Variants in ZBTB44 observed in about 807,000 individuals in gnomAD.
ZBTB44 encodes zinc finger and BTB domain-containing protein 44.
Under a neutral mutation model 54.0 loss-of-function variants are expected in ZBTB44, and 15 were observed. That is an observed-to-expected ratio of 0.28 (90% CI 0.19 to 0.43). The LOEUF is 0.43. Among genes scored for constraint, ZBTB44 ranks in the 20% least tolerant of loss-of-function variants. ZBTB44 has a pLI of 1.00. For missense variants in ZBTB44, 487 were observed against 707.1 expected (o/e 0.69, Z 3.53); for synonymous variants, 230 against 250.1 (o/e 0.92, Z 0.76).
At chr11:130,287,191 C>G (rs139380740) in intron 1 of ZBTB44, among the ~76,000 whole-genome samples, 3 of 152,170 alleles carry the variant, frequency 2.0e-5, no homozygotes, top group African/African-American at 7.2e-5. Flanking sequence ...AAATCTAGTA[C>G]TCATTTTTGA....
chr11:130,298,481 A>G (rs1352432208), intron 1 of ZBTB44, among the ~76,000 whole-genome samples: 2 of 129,004 alleles, frequency 1.6e-5, no homozygotes, highest in Non-Finnish European at 3.2e-5. Flanking sequence ...TTTTTTTTTA[A>G]AGACTGAGTC....
Position 130,261,698 on chromosome 11 carries a change from T to C in ZBTB44, c.176A>G (p.Lys59Arg). The change falls in exon 2 of 8, where the codon AAA becomes AGA. Residue 59 changes from lysine (K) to arginine (R), a missense_variant. By Grantham distance (26) the Lys-to-Arg change is conservative. Around this residue, in one of 3 missense-constraint regions of ZBTB44, gnomAD observed 90 missense variants for 160.3 expected, o/e 0.56. Transcript: ENST00000357899. The surrounding 1 kb of genome is among the most constrained non-coding windows in gnomAD (Gnocchi z 4.8). ...CTCATCCTCGGCTTGGCCTACAAGT[T>C]TGGTGCGAAAGAAATCACTGCAAGC... ...LAACSDFFRTKLVGQAEDENK... is the reference protein window; with the variant it reads ...LAACSDFFRTRLVGQAEDENK... 1 of 1,614,064 alleles carries C rather than the reference T, an allele frequency of 6.2e-7. No individual in the cohort carries two copies. Among genetic ancestry groups the C allele is most frequent in the Non-Finnish European group, 8.5e-7 (1 of 1,179,902 alleles).
intron 1 of ZBTB44, among the ~76,000 whole-genome samples, chr11:130,278,481 T>C (rs1592015642): frequency 6.6e-6 from 1 of 152,204 alleles, no homozygotes; most frequent in Non-Finnish European, 1.5e-5. Context: ...TCTGCCACTA[T>C]TTGAGTGTTT....
intron 2 of ZBTB44, among the ~76,000 whole-genome samples, chr11:130,257,415 G>A (rs1042454812): frequency 3.3e-5 from 5 of 152,190 alleles, no homozygotes; most frequent in African/African-American, 1.2e-4. Flanking sequence ...GAGATTTGAA[G>A]CCAGTGGCAA....
intron 1 of ZBTB44, among the ~76,000 whole-genome samples, chr11:130,264,386 C>A (rs1217722879): frequency 6.6e-6 from 1 of 152,184 alleles, no homozygotes; most frequent in Non-Finnish European, 1.5e-5. Context: ...ACACCTAACT[C>A]TTCAACTGCA....
chr11:130,302,845 C>T (rs545088154), intron 1 of ZBTB44, among the ~76,000 whole-genome samples: 3 of 152,090 alleles, frequency 2.0e-5, no homozygotes, highest in East Asian at 3.9e-4. Flanking sequence ...TGTGGTGGTG[C>T]GCACCTGTAA....
chr11:130,289,560 T>C (rs1011804760), intron 1 of ZBTB44, among the ~76,000 whole-genome samples: 2 of 131,880 alleles, frequency 1.5e-5, no homozygotes, highest in African/African-American at 5.9e-5. Flanking sequence ...TAGAAGCTAA[T>C]GGGTAGCTTC....
At chr11:130,293,401 G>A (rs1234492359) in intron 1 of ZBTB44, among the ~76,000 whole-genome samples, 1 of 151,284 alleles carries the variant, frequency 6.6e-6, no homozygotes, top group Admixed American at 6.6e-5. Flanking sequence ...TTGAGCCTGG[G>A]AGGTTGAGAC....
intron 1 of ZBTB44, among the ~76,000 whole-genome samples, chr11:130,301,435 C>T (rs1941981146): frequency 6.6e-6 from 1 of 152,156 alleles, no homozygotes; most frequent in Non-Finnish European, 1.5e-5. Context: ...AAGCAGATCA[C>T]GTGAGCTTAA....
At chr11:130,288,786 A>T (rs1941127493) in intron 1 of ZBTB44, among the ~76,000 whole-genome samples, 1 of 151,824 alleles carries the variant, frequency 6.6e-6, no homozygotes, top group Non-Finnish European at 1.5e-5. Flanking sequence ...AATCCCAGCT[A>T]CTTGGGAGGC....
At chr11:130,249,422 T>C (rs1301354412) in intron 2 of ZBTB44, among the ~76,000 whole-genome samples, 1 of 152,220 alleles carries the variant, frequency 6.6e-6, no homozygotes, top group Non-Finnish European at 1.5e-5. Context: ...ACAACTATTT[T>C]GACCCCAATT....
chr11:130,267,250 T>TGA (rs1939318391), intron 1 of ZBTB44, among the ~76,000 whole-genome samples: 1 of 151,654 alleles, frequency 6.6e-6, no homozygotes, highest in African/African-American at 2.4e-5. Flanking sequence ...GGCGACAGAG[T>TGA]GAGACCCTGC....
intron 2 of ZBTB44, 76 bp from the exon 3 acceptor site, chr11:130,239,972 T>A: frequency 1.0e-6 from 1 of 987,480 alleles, no homozygotes; most frequent in Non-Finnish European, 1.6e-6. Context: ...AGCTATATTA[T>A]ATCTAAGCCT....
intron 1 of ZBTB44, among the ~76,000 whole-genome samples, chr11:130,276,091 T>C (rs1310233741): frequency 2.0e-5 from 3 of 151,388 alleles, no homozygotes; most frequent in Non-Finnish European, 4.4e-5. Context: ...CCAGGCATGG[T>C]GGCAGGTGCC....
At chr11:130,257,250 A>G (rs7102590) in intron 2 of ZBTB44, among the ~76,000 whole-genome samples, 6,106 of 151,692 alleles carry the variant, frequency 0.04, 308 homozygotes, top group African/African-American at 0.11. Flanking sequence ...AAAAAAAAAA[A>G]AAAAAAAAAG....
intron 5 of ZBTB44, among the ~76,000 whole-genome samples, chr11:130,234,962 A>G (rs2136266550): frequency 6.6e-6 from 1 of 152,326 alleles, no homozygotes; most frequent in Non-Finnish European, 1.5e-5. Context: ...GTGATGAAAT[A>G]GAAAATATTT....
rs1397419141 is a variant in ZBTB44 at position 130,231,009 on chromosome 11, T to C, written c.*755A>G. ...TTAAGCCCTTTAGATACCACAAAGT[T>C]ACCCTCCTGGCCTTAAGAAAGATAG... is the stretch of plus-strand genomic sequence containing the variant. On this transcript the variant is annotated 3_prime_UTR_variant, in exon 8 of 8. Transcript: ENST00000357899. 3 of 152,102 alleles carry C rather than the reference T, an allele frequency of 2.0e-5. No individual in the cohort carries two copies. The highest frequency in any genetic ancestry group is 7.2e-5 in the African/African-American group (3 of 41,450). 9.4% of individuals were successfully genotyped at this position (152,102 alleles called of 1,614,324 possible). A position where few individuals can be genotyped will look rare whatever the true frequency, so the allele number is the denominator to read the frequency against.
intron 2 of ZBTB44, among the ~76,000 whole-genome samples, chr11:130,251,158 T>C (rs1425096911): frequency 6.6e-6 from 1 of 152,020 alleles, no homozygotes; most frequent in East Asian, 1.9e-4. Flanking sequence ...TACACAAGTA[T>C]CAATAGCTGA....
At chr11:130,279,256 T>C (rs906256714) in intron 1 of ZBTB44, among the ~76,000 whole-genome samples, 1 of 150,642 alleles carries the variant, frequency 6.6e-6, no homozygotes, top group Non-Finnish European at 1.5e-5. Context: ...AGTGATATTC[T>C]AGCTCTTATC....
Sources: gnomAD v4.1 joint callset for allele counts (sites outside exome capture counted in the v4.1 genomes callset) on GRCh38, gnomAD v4.1.1 for gene constraint, gnomAD v4.1.1 regional missense constraint, Gnocchi (gnomAD v3.1) non-coding constraint, MANE v1.5 for transcripts, NCBI Gene and HGNC (gene_info 2026-07-23, HGNC 2026-07-21) for gene names.